Variants in EYS observed in about 807,000 individuals in gnomAD.
EYS encodes EGF-like photoreceptor maintenance factor, also known as protein eyes shut homolog.
EYS carries 250 observed loss-of-function variants against 282.1 expected under a neutral mutation model. The observed-to-expected ratio is 0.89, with a 90% CI of 0.80 to 0.98. The LOEUF is 0.98. Among genes scored for constraint, EYS ranks in the 50% least tolerant of loss-of-function variants. The pLI is 0.00. For synonymous variants in EYS, 1,355 were observed against 1,282.9 expected, an observed-to-expected ratio of 1.06 and a Z score of -1.20; for missense variants, 4,016 against 3,709.0, an observed-to-expected ratio of 1.08 and a Z score of -2.15.
At chr6:64,087,894 A>ACAATAAAAATATAATT (rs1242940724) in intron 31 of EYS, among the ~76,000 whole-genome samples, 1 of 152,108 alleles carries the variant, frequency 6.6e-6, no homozygotes, top group African/African-American at 2.4e-5. Context: ...CTCACAAAGT[A>ACAATAAAAATATAATT]CAATAAAAAT....
intron 33 of EYS, among the ~76,000 whole-genome samples, chr6:64,064,710 A>G (rs1191322133): frequency 6.6e-6 from 1 of 152,198 alleles, no homozygotes; most frequent in African/African-American, 2.4e-5. Flanking sequence ...AAAAGTAAAG[A>G]AGAAAATCAT....
intron 35 of EYS, among the ~76,000 whole-genome samples, chr6:63,882,687 T>C (rs1773161798): frequency 6.6e-6 from 1 of 152,176 alleles, no homozygotes; most frequent in South Asian, 2.1e-4. Context: ...ACATTGGTGC[T>C]ATGGGAGAGC....
intron 19 of EYS, among the ~76,000 whole-genome samples, chr6:64,882,057 G>A (rs1766941597): frequency 6.6e-6 from 1 of 151,746 alleles, no homozygotes; most frequent in South Asian, 2.1e-4. Context: ...ATTTTATAAT[G>A]AGGTTTTGGA....
At chr6:65,597,446 A>G (rs1006605762) in intron 2 of EYS, among the ~76,000 whole-genome samples, 1 of 152,144 alleles carries the variant, frequency 6.6e-6, no homozygotes, top group African/African-American at 2.4e-5. Flanking sequence ...TCCCAGTACT[A>G]AGTACAGTAC....
intron 13 of EYS, among the ~76,000 whole-genome samples, chr6:65,010,731 G>C (rs1771840269): frequency 6.6e-6 from 1 of 152,130 alleles, no homozygotes; most frequent in South Asian, 2.1e-4. Context: ...TTAGGAGAAG[G>C]AAAAAGGGTA....
chr6:64,880,646 C>T (rs545205034), intron 19 of EYS, among the ~76,000 whole-genome samples: 215 of 151,424 alleles, frequency 1.4e-3, no homozygotes, highest in Non-Finnish European at 2.5e-3. Flanking sequence ...TTACCTTCAT[C>T]CTGGTCCCCA....
At chr6:64,839,129 A>C (rs1583211209) in intron 19 of EYS, among the ~76,000 whole-genome samples, 1 of 152,006 alleles carries the variant, frequency 6.6e-6, no homozygotes, top group Non-Finnish European at 1.5e-5. Flanking sequence ...TACTTTTGAG[A>C]TCTGCCCTTA....
intron 41 of EYS, among the ~76,000 whole-genome samples, chr6:63,745,699 T>C (rs373038315): frequency 6.6e-6 from 1 of 152,230 alleles, no homozygotes; most frequent in Non-Finnish European, 1.5e-5. Context: ...TTATTATATT[T>C]TCAAAGAAAC....
At chr6:64,391,948 A>G (rs1582691444) in intron 28 of EYS, among the ~76,000 whole-genome samples, 1 of 152,054 alleles carries the variant, frequency 6.6e-6, no homozygotes, top group African/African-American at 2.4e-5. Flanking sequence ...AAGCAAATGG[A>G]AAACAAAAAA....
At chr6:63,753,462 T>TA (rs1223918616) in intron 41 of EYS, among the ~76,000 whole-genome samples, 3 of 152,048 alleles carry the variant, frequency 2.0e-5, no homozygotes, top group South Asian at 2.1e-4. Context: ...ATCTAGATTT[T>TA]AAAAAAAATC....
chr6:64,085,205 A>G (rs992373236), intron 31 of EYS, among the ~76,000 whole-genome samples: 4 of 151,724 alleles, frequency 2.6e-5, no homozygotes, highest in African/African-American at 7.3e-5. Flanking sequence ...TGGGCTCCTG[A>G]CCCCAAGTGA....
chr6:64,817,744 G>A (rs1006555622), intron 21 of EYS, among the ~76,000 whole-genome samples: 4 of 151,946 alleles, frequency 2.6e-5, no homozygotes, highest in African/African-American at 7.3e-5. Context: ...TAGTTTTATG[G>A]CCTCCAGCTG....
intron 26 of EYS, among the ~76,000 whole-genome samples, chr6:64,458,222 C>T (rs1042867552): frequency 6.6e-6 from 1 of 152,076 alleles, no homozygotes; most frequent in South Asian, 2.1e-4. Context: ...ACCACCCTTA[C>T]AGTATTACAA....
Position 64,302,632 on chromosome 6 carries a change from C to A in EYS, c.6191+4338G>T, listed in dbSNP as rs549401504. ...AACATTCCATAAGCATCTCAAATAA[C>A]CCCCAAGGACAGGCCATAGAACGTG... On this transcript the variant is annotated intron_variant, in intron 30 of 42. Transcript: ENST00000503581. Among the ~76,000 whole-genome samples, 8 of 152,204 alleles carry A rather than the reference C, an allele frequency of 5.3e-5. No homozygotes were observed. The South Asian group carries it at 1.2e-3, about 24-fold the overall frequency.
chr6:64,221,054 A>G (rs1045112748), intron 31 of EYS, among the ~76,000 whole-genome samples: 1 of 152,184 alleles, frequency 6.6e-6, no homozygotes, highest in African/African-American at 2.4e-5. Context: ...CTAATAAATT[A>G]TCACTTGATT....
intron 28 of EYS, among the ~76,000 whole-genome samples, chr6:64,411,871 T>A (rs1225454590): frequency 1.2e-5 from 1 of 85,086 alleles, no homozygotes; most frequent in African/African-American, 3.7e-5. Context: ...TATTTGTATA[T>A]ATGTATGTAA....
chr6:64,254,297 T>G (rs1767319059), intron 30 of EYS, among the ~76,000 whole-genome samples: 1 of 152,090 alleles, frequency 6.6e-6, no homozygotes, highest in South Asian at 2.1e-4. Context: ...AGTTAAAAAG[T>G]AGCAATATAA....
intron 37 of EYS, among the ~76,000 whole-genome samples, chr6:63,805,000 A>G (rs989601643): frequency 1.3e-5 from 2 of 152,164 alleles, no homozygotes; most frequent in African/African-American, 4.8e-5. Context: ...ACCACATTTC[A>G]TTTGGGGTGT....
intron 33 of EYS, among the ~76,000 whole-genome samples, chr6:64,010,177 G>C (rs1156522405): frequency 6.6e-6 from 1 of 152,218 alleles, no homozygotes; most frequent in African/African-American, 2.4e-5. Flanking sequence ...CGGTGAAGGG[G>C]AGCTGGCCAA....
Sources: gnomAD v4.1 joint callset for allele counts (sites outside exome capture counted in the v4.1 genomes callset) on GRCh38, gnomAD v4.1.1 for gene constraint, MANE v1.5 for transcripts, NCBI Gene and HGNC (gene_info 2026-07-23, HGNC 2026-07-21) for gene names.